Variants in CFAP69 observed in about 807,000 individuals in gnomAD.
The protein encoded by CFAP69 is cilia- and flagella-associated protein 69.
In CFAP69, 92 loss-of-function variants were observed where a neutral mutation model predicts 123.0. The ratio of observed to expected loss-of-function variants is 0.75; its 90% CI spans 0.63 to 0.89. The LOEUF (loss-of-function observed/expected upper bound fraction) is 0.89, where lower values mean the gene tolerates loss of function less well. Among genes scored for constraint, CFAP69 ranks in the 40% least tolerant of loss-of-function variants. The pLI is 0.00. For missense variants in CFAP69, 1,067 were observed against 1,096.9 expected, an observed-to-expected ratio of 0.97 and a Z score of 0.39; for synonymous variants, 380 against 364.3, an observed-to-expected ratio of 1.04 and a Z score of -0.49.
chr7:90,301,894 A>G (rs1444697577), intron 17 of CFAP69: 3 of 152,184 alleles, frequency 2.0e-5, no homozygotes, highest in African/African-American at 7.2e-5. Flanking sequence ...TCTTTGAGGA[A>G]TTGCCACACT....
chr7:90,271,507 A>G lies in CFAP69; in HGVS notation c.533-19A>G. 1.2e-6 allele frequency: 2 copies of G among 1,601,450 alleles called. No individual in the cohort carries two copies. The highest frequency in any genetic ancestry group is 1.7e-6 in the Non-Finnish European group (2 of 1,174,288). ...TTCTGTGAGATAACTGTATGTATTTATTAATGAATTGTTGTTAGGTTACCA... is the reference window on the plus strand; with the variant it reads ...TTCTGTGAGATAACTGTATGTATTTGTTAATGAATTGTTGTTAGGTTACCA... On this transcript the variant is annotated intron_variant, in intron 6 of 22. Coordinates refer to ENST00000389297, the MANE Select transcript of CFAP69 (RefSeq NM_001039706.3).
rs774079976 is a variant in CFAP69 at position 90,288,340 on chromosome 7, T to G, written c.1763T>G (p.Leu588Trp). Residue 588 changes from leucine to tryptophan, a missense_variant, in exon 15 of 23, where the codon TTG becomes TGG. Coordinates refer to ENST00000389297, the MANE Select transcript of CFAP69 (RefSeq NM_001039706.3). ...TATAATGTACTTCTTTTTAGTACAT[T>G]GGACAGCATTTGGTGAGTATTGCTA... ...LGYNVLLFST[L>W]DSIWCCILGC... 26 of 1,610,492 alleles carry G rather than the reference T, an allele frequency of 1.6e-5. No individual in the cohort carries two copies. The highest frequency in any genetic ancestry group is 2.1e-5 in the Non-Finnish European group (25 of 1,177,694).
In CFAP69 at chr7:90,279,751, C is replaced by G; in HGVS notation, c.1230C>G (p.Asp410Glu). ...AGCCTGAGAAGCAAAAAATAATTGA[C>G]TGGTCTGCAGCACAGCATGAAGAAT... ...VKKPEKQKII[D>E]WSAAQHEELQ... The change falls in exon 12 of 23, where the codon GAC (aspartate) becomes GAG (glutamate). Residue 410 changes from aspartate to glutamate, a missense_variant. Asp to Glu is a conservative substitution (Grantham distance 45). Coordinates refer to ENST00000389297, the MANE Select transcript of CFAP69 (RefSeq NM_001039706.3). 4 of 1,612,808 alleles carry G rather than the reference C, an allele frequency of 2.5e-6. No homozygotes were observed. The highest frequency in any genetic ancestry group is 3.4e-6 in the Non-Finnish European group (4 of 1,179,682).
intron 9 of CFAP69, among the ~76,000 whole-genome samples, chr7:90,274,733 T>C (rs536530346): frequency 1.3e-5 from 2 of 152,298 alleles, no homozygotes; most frequent in East Asian, 3.9e-4. Flanking sequence ...TTTCTCTCAC[T>C]GTTTTCAAGA....
At chr7:90,296,636 T>A (rs1406309565) in intron 15 of CFAP69, among the ~76,000 whole-genome samples, 2 of 152,050 alleles carry the variant, frequency 1.3e-5, no homozygotes, top group Non-Finnish European at 2.9e-5. Flanking sequence ...TGAGGCACAG[T>A]TTTAAGAGGT....
At chr7:90,319,447 T>C in the CFAP69 span, 162 of 398,648 alleles carry the variant, frequency 4.1e-4, no homozygotes, top group African/African-American at 3.0e-3. Context: ...GCAGTCTACA[T>C]ACATGTCCCA....
chr7:90,294,602 A>G (rs1291384839), intron 15 of CFAP69, among the ~76,000 whole-genome samples: 1 of 152,182 alleles, frequency 6.6e-6, no homozygotes, highest in Non-Finnish European at 1.5e-5. Flanking sequence ...TCCCAAGGAC[A>G]TACAAGACGA....
intron 13 of CFAP69, among the ~76,000 whole-genome samples, chr7:90,285,640 C>T (rs908020311): frequency 1.3e-5 from 2 of 152,064 alleles, no homozygotes; most frequent in African/African-American, 4.8e-5. Context: ...AGAAAGCACA[C>T]CTAAAGAGAT....
At chr7:90,323,465 T>C in the CFAP69 span, among the ~76,000 whole-genome samples, 1 of 152,156 alleles carries the variant, frequency 6.6e-6, no homozygotes, top group African/African-American at 2.4e-5. Context: ...AAAAGTGAGA[T>C]ATAGATATTG....
At chr7:90,265,570 T>C (rs546377019) in intron 5 of CFAP69, among the ~76,000 whole-genome samples, 193 bp downstream of exon 5, 16 of 152,340 alleles carry the variant, frequency 1.1e-4, no homozygotes, top group Admixed American at 1.3e-4. Context: ...TGTTTCGTGA[T>C]ACCAATAAAA....
chr7:90,276,277 A>G (rs2116984506), intron 9 of CFAP69: 1 of 152,346 alleles, frequency 6.6e-6, no homozygotes, highest in South Asian at 2.1e-4. Context: ...GCTACATAGT[A>G]TCCTAGTTAA....
chr7:90,298,723 A>G (rs747708582), intron 16 of CFAP69, among the ~76,000 whole-genome samples: 1 of 152,196 alleles, frequency 6.6e-6, no homozygotes, highest in Non-Finnish European at 1.5e-5. Context: ...CTGTGTGTGC[A>G]TCTAAGTGTG....
At chr7:90,308,072 A>G (rs971068361) in intron 21 of CFAP69, among the ~76,000 whole-genome samples, 3 of 152,312 alleles carry the variant, frequency 2.0e-5, no homozygotes, top group East Asian at 1.9e-4. Flanking sequence ...TCAGGGAGAA[A>G]CAAGGCTGAT....
intron 5 of CFAP69, among the ~76,000 whole-genome samples, chr7:90,265,653 T>C (rs748598722): frequency 2.0e-4 from 31 of 152,216 alleles, no homozygotes; most frequent in Non-Finnish European, 7.4e-5. Context: ...ATGAAGTGTT[T>C]GTTAACTATT....
At chr7:90,305,436 A>AAT (rs1793438559) in intron 19 of CFAP69, among the ~76,000 whole-genome samples, 1 of 149,916 alleles carries the variant, frequency 6.7e-6, no homozygotes, top group Admixed American at 6.6e-5. Flanking sequence ...CTTGTCACCC[A>AAT]GGCTGGAGTA....
At chr7:90,278,142 A>G (rs747635365) in intron 11 of CFAP69, among the ~76,000 whole-genome samples, 3 of 152,156 alleles carry the variant, frequency 2.0e-5, no homozygotes, top group African/African-American at 2.4e-5. Flanking sequence ...CAGTCTATCA[A>G]CTTCACTACC....
At chr7:90,246,510 G>GA (rs1796351356) in intron 1 of CFAP69, among the ~76,000 whole-genome samples, 2 of 152,200 alleles carry the variant, frequency 1.3e-5, no homozygotes, top group South Asian at 4.1e-4. Context: ...GAATAGAGTT[G>GA]AGCTCTCTGA....
intron 16 of CFAP69, among the ~76,000 whole-genome samples, chr7:90,298,972 G>T (rs933931776): frequency 2.6e-5 from 4 of 152,040 alleles, no homozygotes; most frequent in Non-Finnish European, 5.9e-5. Flanking sequence ...ATACAACTCT[G>T]CTGAAATATA....
intron 3 of CFAP69, among the ~76,000 whole-genome samples, chr7:90,260,073 G>C (rs998492011): frequency 1.3e-5 from 2 of 152,108 alleles, no homozygotes; most frequent in African/African-American, 2.4e-5. Context: ...ACAACATTAT[G>C]ATTTTTTTGA....
Sources: gnomAD v4.1 joint callset for allele counts (sites outside exome capture counted in the v4.1 genomes callset) on GRCh38, gnomAD v4.1.1 for gene constraint, MANE v1.5 for transcripts, NCBI Gene and HGNC (gene_info 2026-07-23, HGNC 2026-07-21) for gene names.